VPS11: variants seen among roughly 807,000 people sequenced by gnomAD.
VPS11 encodes the protein vacuolar protein sorting-associated protein 11 homolog.
VPS11 carries 51 observed loss-of-function variants against 106.8 expected under a neutral mutation model. The ratio of observed to expected loss-of-function variants is 0.48; its 90% confidence interval spans 0.38 to 0.60. The LOEUF (loss-of-function observed/expected upper bound fraction) is 0.60. Ranked by LOEUF, VPS11 falls within the 20% of genes least tolerant of loss-of-function variation. The pLI is 0.00. For synonymous variants in VPS11, 453 were observed against 458.7 expected (o/e 0.99, Z 0.16); for missense variants, 950 against 1,190.0 (o/e 0.80, Z 2.97).
At position 119,070,238 on chromosome 11, in the gene VPS11, C is replaced by T; in HGVS notation, c.477C>T (p.Phe159=). ...AATTTTCTTGTTTTCTTACAGGTTT[C>T]ACAGATGGCAGTGTTACATTGAACA... ...HENLNFMAIG[F]TDGSVTLNKG... The change falls in exon 4 of 16, where the codon TTC becomes TTT. Residue 159 remains phenylalanine (F), a synonymous_variant. Coordinates refer to ENST00000621676, the MANE Select transcript of VPS11 (RefSeq NM_021729.6). The T allele has an allele frequency of 1.6e-5, 26 of 1,609,182 alleles. No individual in the cohort carries two copies. The highest frequency in any genetic ancestry group is 2.2e-5 in the Non-Finnish European group (26 of 1,176,996).
chr11:119,073,071 G>A, intron 5 of VPS11, 127 bp from the exon 6 acceptor site: 1 of 1,032,294 alleles, frequency 9.7e-7, no homozygotes. Flanking sequence ...TGCATGTTAT[G>A]GGATGAGAGG....
At chr11:119,072,967 T>C in intron 5 of VPS11, 1 of 559,974 alleles carries the variant, frequency 1.8e-6, no homozygotes, top group East Asian at 3.0e-5. Flanking sequence ...GTTAGTGTAC[T>C]TAATTTTCTA....
chr11:119,077,814 G>C, intron 9 of VPS11, 64 bp from the exon 10 acceptor site: 1 of 1,588,602 alleles, frequency 6.3e-7, no homozygotes, highest in South Asian at 1.1e-5. Context: ...CTCCAGAATG[G>C]TGAAAGTGCT....
At position 119,078,214 on chromosome 11, in the gene VPS11, G is replaced by C. The variant is rs146122577; in HGVS notation, c.1803G>C (p.Pro601=). ...TCATCCCCATCTTTGCCAATAACCC[G>C]CGAGAGCTGAAAGCCTTCCTAGAGC... The part of the protein sequence containing the change: ...EEFIPIFANN[P]RELKAFLEHM... The change falls in exon 11 of 16, where the codon CCG becomes CCC. Residue 601 remains proline, a synonymous_variant. Coordinates refer to ENST00000621676, the MANE Select transcript of VPS11 (RefSeq NM_021729.6). The C allele has an allele frequency of 6.2e-7, 1 of 1,613,594 alleles. No individual in the cohort carries two copies. The highest frequency in any genetic ancestry group is 1.3e-5 in the African/African-American group (1 of 75,008).
intron 7 of VPS11, among the ~76,000 whole-genome samples, chr11:119,076,415 A>G (rs1945621633): frequency 6.6e-6 from 1 of 151,506 alleles, no homozygotes; most frequent in Non-Finnish European, 1.5e-5. Context: ...AATCCCAGCT[A>G]CTCAGGAGGC....
At chr11:119,076,158 G>A (rs1945609080) in intron 7 of VPS11, among the ~76,000 whole-genome samples, 3 of 150,836 alleles carry the variant, frequency 2.0e-5, no homozygotes, top group East Asian at 2.0e-4. Flanking sequence ...CCCAGGAGGC[G>A]GAGGTTGCAG....
rs1333239756 is a variant in VPS11 at position 119,081,599 on chromosome 11, C to T, written c.2802C>T (p.Leu934=). The T allele has an allele frequency of 6.2e-7, 1 of 1,613,920 alleles. No individual in the cohort carries two copies. The highest frequency in any genetic ancestry group is 1.7e-5 in the Admixed American group (1 of 60,012). The change falls in exon 16 of 16, where the codon CTC becomes CTT. Residue 934 remains leucine (L), a synonymous_variant. Coordinates refer to ENST00000621676, the MANE Select transcript of VPS11 (RefSeq NM_021729.6). The part of the protein sequence containing the change: ...SLEAGLQRDL[L]MHSRRGT The stretch of plus-strand genomic sequence containing the variant: ...AGGCTGGGCTGCAACGCGACCTACT[C>T]ATGCACTCCAGGAGGGGCACTTAAG...
In VPS11 at chr11:119,078,663, C is replaced by T; in HGVS notation, c.2022C>T (p.Asp674=). The T allele has an allele frequency of 6.2e-7, 1 of 1,613,524 alleles. No homozygotes were observed. Among genetic ancestry groups the T allele is most frequent in the Non-Finnish European group, 8.5e-7 (1 of 1,179,584 alleles). The change falls in exon 12 of 16, where the codon GAC becomes GAT. Residue 674 remains aspartate (D), a synonymous_variant. Transcript: ENST00000621676. ...CCCTGGTCCTGTGCCAGATGCACGA[C>T]TTCCAGGATGGTGTCCTTTACCTTT... ...DKALVLCQMH[D]FQDGVLYLYE...
At position 119,069,341 on chromosome 11, in the gene VPS11, CT is replaced by C; in HGVS notation, c.335del (p.Leu112TrpfsTer35). ...VGEDEEGINP[L>X]VKIWNLEKRD... ...GAGAAGATGAAGAGGGCATCAACCC[CT>C]TGGTGAGTCCCAGCAGGGAAATGGG... On this transcript the variant is annotated frameshift_variant and splice_region_variant, in exon 2 of 16. Coordinates refer to ENST00000621676, the MANE Select transcript of VPS11 (RefSeq NM_021729.6). LOFTEE classifies it high-confidence loss of function. 6.2e-7 allele frequency: 1 copy of C among 1,613,956 alleles called. No individual in the cohort carries two copies. The highest frequency in any genetic ancestry group is 8.5e-7 in the Non-Finnish European group (1 of 1,179,896).
intron 14 of VPS11, among the ~76,000 whole-genome samples, chr11:119,080,810 G>A (rs1483562548): frequency 2.6e-5 from 4 of 152,222 alleles, no homozygotes; most frequent in African/African-American, 9.6e-5. Flanking sequence ...TCACATCTGA[G>A]TACAGACCTG....
chr11:119,072,120 C>T (rs1026606304), intron 5 of VPS11: 5 of 335,624 alleles, frequency 1.5e-5, no homozygotes, highest in African/African-American at 4.2e-5. Context: ...CATGTGCCAC[C>T]ACGCCTGGCT....
chr11:119,071,991 G>A (rs1786689), intron 5 of VPS11, 148 bp downstream of exon 5: 1 of 1,004,642 alleles, frequency 1.0e-6, no homozygotes, highest in East Asian at 2.6e-5. Context: ...TTTTTTTTGA[G>A]ATGGAGTCTC....
chr11:119,081,536 G>A lies in VPS11; in HGVS notation c.2739G>A (p.Leu913=). 6.2e-7 allele frequency: 1 copy of A among 1,613,954 alleles called. No homozygotes were observed. The highest frequency in any genetic ancestry group is 1.1e-5 in the South Asian group (1 of 91,080). ...GRGVFNKLTL[L]TDPPTARLTS... is the part of the protein sequence containing the mutation. ...GTGTTTTCAACAAATTGACTCTGCT[G>A]ACCGACCCTCCCACAGCCAGACTGA... Residue 913 remains leucine (L), a synonymous_variant, in exon 16 of 16, where the codon CTG becomes CTA. Coordinates refer to ENST00000621676, the MANE Select transcript of VPS11 (RefSeq NM_021729.6).
rs1359509082 is a variant in VPS11, at chr11:119,081,205, C to T, written c.2552C>T (p.Ser851Leu). 9.9e-6 allele frequency: 16 copies of T among 1,613,874 alleles called. No individual in the cohort carries two copies. Among genetic ancestry groups the T allele is most frequent in the Non-Finnish European group, 1.1e-5 (13 of 1,179,906 alleles). The change falls in exon 15 of 16, where the codon TCG (serine) becomes TTG (leucine). Residue 851 changes from serine to leucine, a missense_variant. Ser to Leu is a moderately radical substitution (Grantham distance 145, BLOSUM62 -2). Transcript: ENST00000621676. ...SFHQHCFESY[S>L]ESDADCPTCL... ...CACCAACACTGCTTTGAGAGTTACT[C>T]GGAAAGTGATGCTGACTGCCCCACC...
chr11:119,071,701 A>C lies in VPS11; in HGVS notation c.742A>C (p.Ile248Leu). The change falls in exon 5 of 16, where the codon ATT (isoleucine) becomes CTT (leucine). Residue 248 changes from isoleucine to leucine, a missense_variant. Ile to Leu is a conservative substitution (Grantham distance 5, BLOSUM62 2). Around this residue, in one of 3 missense-constraint regions of VPS11, gnomAD observed 435 missense variants for 630.2 expected, o/e 0.69. Coordinates refer to ENST00000621676, the MANE Select transcript of VPS11 (RefSeq NM_021729.6). ...TGACCCTTCTCAGGACCTGCAGTTC[A>C]TTGTGGCCGGGGATGAGTGTGTCTA... is the stretch of plus-strand genomic sequence containing the variant. ...LSDPSQDLQF[I>L]VAGDECVYLY... is the part of the protein sequence containing the mutation. 1.2e-6 allele frequency: 2 copies of C among 1,613,962 alleles called. No homozygotes were observed. Among genetic ancestry groups the C allele is most frequent in the South Asian group, 2.2e-5 (2 of 91,076 alleles).
chr11:119,075,913 T>C (rs1435814289), intron 7 of VPS11, among the ~76,000 whole-genome samples: 2 of 135,182 alleles, frequency 1.5e-5, no homozygotes, highest in African/African-American at 2.8e-5. Context: ...AAAATAATAG[T>C]AGATAATAAT....
chr11:119,078,223 G>A lies in VPS11; in HGVS notation c.1812G>A (p.Leu604=). The A allele has an allele frequency of 1.2e-6, 2 of 1,613,724 alleles. No homozygotes were observed. Among genetic ancestry groups the A allele is most frequent in the Non-Finnish European group, 1.7e-6 (2 of 1,179,864 alleles). ...TCTTTGCCAATAACCCGCGAGAGCT[G>A]AAAGCCTTCCTAGAGCACATGAGTG... ...IPIFANNPRE[L]KAFLEHMSEV... The change falls in exon 11 of 16, where the codon CTG becomes CTA. Residue 604 remains leucine, a synonymous_variant. Coordinates refer to ENST00000621676, the MANE Select transcript of VPS11 (RefSeq NM_021729.6).
rs782039718 is a variant in VPS11, at chr11:119,078,027, C to A, written c.1722C>A (p.Ser574Arg). The A allele has an allele frequency of 1.9e-6, 3 of 1,612,588 alleles. No individual in the cohort carries two copies. The African/African-American group carries it at 4.0e-5, about 22-fold the overall frequency. The stretch of plus-strand genomic sequence containing the variant: ...GACTTTGTACTGATTATCGGCCCAG[C>A]CTCGAAGGCCGCAGCGATAGGGAGG... ...LKGLCTDYRP[S>R]LEGRSDREAP... is the part of the protein sequence containing the mutation. The change falls in exon 10 of 16, where the codon AGC becomes AGA. Residue 574 changes from serine to arginine, a missense_variant. Around this residue, in one of 3 missense-constraint regions of VPS11, gnomAD observed 453 missense variants for 514.6 expected, o/e 0.88. Transcript: ENST00000621676.
At chr11:119,074,028 C>T (rs937081493) in intron 7 of VPS11, 77 bp downstream of exon 7, 6 of 1,479,844 alleles carry the variant, frequency 4.1e-6, no homozygotes, top group Non-Finnish European at 4.6e-6. Context: ...CATCCATGCT[C>T]CAGGTAGGGG....
Sources: gnomAD v4.1 joint callset for allele counts (sites outside exome capture counted in the v4.1 genomes callset) on GRCh38, gnomAD v4.1.1 for gene constraint, gnomAD v4.1.1 regional missense constraint, MANE v1.5 for transcripts, NCBI Gene and HGNC (gene_info 2026-07-23, HGNC 2026-07-21) for gene names.